The following TNR variants were observed in gnomAD, a reference collection of about 807,000 sequenced individuals.
TNR encodes tenascin R, also known as tenascin-R.
Under a neutral mutation model 150.4 loss-of-function variants are expected in TNR, and 45 were observed. The observed-to-expected ratio is 0.30, with a 90% CI of 0.24 to 0.38. The LOEUF is 0.38. Ranked by LOEUF, TNR falls within the 10% of genes least tolerant of loss-of-function variation. TNR has a pLI of 1.00. For synonymous variants in TNR, 687 were observed against 678.4 expected (o/e 1.01, Z -0.20); for missense variants, 1,544 against 1,759.1 (o/e 0.88, Z 2.19).
chr1:175,688,029 C>A (rs532300784), intron 1 of TNR, among the ~76,000 whole-genome samples: 1 of 152,370 alleles, frequency 6.6e-6, no homozygotes, highest in South Asian at 2.1e-4. Flanking sequence ...TGGGTCAGAG[C>A]GCTGTACTCC....
chr1:175,409,296 C>T (rs1007328267), intron 2 of TNR, among the ~76,000 whole-genome samples: 1 of 152,122 alleles, frequency 6.6e-6, no homozygotes, highest in Non-Finnish European at 1.5e-5. Context: ...ACATAACACC[C>T]CGTAGCACAT....
intron 1 of TNR, among the ~76,000 whole-genome samples, chr1:175,594,406 A>C (rs1662925437): frequency 6.6e-6 from 1 of 152,130 alleles, no homozygotes; most frequent in African/African-American, 2.4e-5. Flanking sequence ...CCTATTATTC[A>C]ATCTTTCCCT....
rs1272091039 is a variant in TNR at position 175,318,045 on chromosome 1, T to C, written c.*5312A>G. On this transcript the variant is annotated 3_prime_UTR_variant, in exon 23 of 23. Coordinates refer to ENST00000367674, the MANE Select transcript of TNR (RefSeq NM_003285.3). ...TGCTGGAGATGACAAATCAGGCTTG[T>C]GACTACTGGTGACGCAAAAGTCAGA... The C allele has an allele frequency of 6.6e-6, 1 of 152,230 alleles. No individual in the cohort carries two copies. The highest frequency in any genetic ancestry group is 2.4e-5 in the African/African-American group (1 of 41,452). The allele number at this position is 152,230 out of a possible 1,614,324, so 9.4% of individuals were successfully genotyped here.
intron 1 of TNR, among the ~76,000 whole-genome samples, chr1:175,636,433 C>T (rs1664493287): frequency 6.6e-6 from 1 of 152,016 alleles, no homozygotes; most frequent in African/African-American, 2.4e-5. Context: ...CCTTGAGAGC[C>T]TCTGAGTCAT....
intron 1 of TNR, among the ~76,000 whole-genome samples, chr1:175,608,145 G>A (rs1423798943): frequency 2.0e-5 from 3 of 152,164 alleles, no homozygotes; most frequent in African/African-American, 7.2e-5. Context: ...TCTTCTGAAG[G>A]CTTATTACTC....
At chr1:175,507,281 T>C (rs1431990584) in intron 2 of TNR, among the ~76,000 whole-genome samples, 1 of 152,216 alleles carries the variant, frequency 6.6e-6, no homozygotes, top group Non-Finnish European at 1.5e-5. Context: ...ATGGGTTGCC[T>C]GGGAATCCTG....
At chr1:175,394,839 G>A (rs1330480582) in intron 5 of TNR, among the ~76,000 whole-genome samples, 1 of 152,188 alleles carries the variant, frequency 6.6e-6, no homozygotes, top group East Asian at 1.9e-4. Flanking sequence ...GAGCTTGCCT[G>A]AGGGAATGCC....
At chr1:175,501,118 T>G (rs1420927712) in intron 2 of TNR, among the ~76,000 whole-genome samples, 1 of 152,206 alleles carries the variant, frequency 6.6e-6, no homozygotes, top group African/African-American at 2.4e-5. Flanking sequence ...CTTTAAGTTC[T>G]CTAATTAGCT....
At chr1:175,385,887 G>T in intron 8 of TNR, 145 bp downstream of exon 8, 1 of 907,092 alleles carries the variant, frequency 1.1e-6, no homozygotes, top group Non-Finnish European at 1.6e-6. Context: ...GAAACCTCTT[G>T]CTTCCTTCTC....
At chr1:175,397,874 T>G (rs1557907507) in intron 4 of TNR, among the ~76,000 whole-genome samples, 2 of 152,248 alleles carry the variant, frequency 1.3e-5, no homozygotes, top group African/African-American at 4.8e-5. Flanking sequence ...ATCAAGCCTT[T>G]AAGACTAACT....
intron 2 of TNR, among the ~76,000 whole-genome samples, chr1:175,455,094 C>A (rs1385595875): frequency 6.6e-6 from 1 of 152,206 alleles, no homozygotes; most frequent in Non-Finnish European, 1.5e-5. Flanking sequence ...CACACTCATG[C>A]TGATAATCCC....
chr1:175,465,857 G>A (rs1657012524), intron 2 of TNR, among the ~76,000 whole-genome samples: 1 of 152,170 alleles, frequency 6.6e-6, no homozygotes, highest in Non-Finnish European at 1.5e-5. Flanking sequence ...AGACCTGCTG[G>A]TTAATGTAAC....
intron 1 of TNR, among the ~76,000 whole-genome samples, chr1:175,566,871 G>A (rs1411767105): frequency 1.3e-5 from 2 of 152,276 alleles, no homozygotes; most frequent in East Asian, 1.9e-4. Context: ...TCCCTAGACT[G>A]TTACTTTTCA....
chr1:175,365,731 T>A, intron 11 of TNR, 144 bp downstream of exon 11: 1 of 1,220,886 alleles, frequency 8.2e-7, no homozygotes. Flanking sequence ...GATGCACTTA[T>A]TAGTTTTTAC....
At chr1:175,464,438 A>T (rs974613023) in intron 2 of TNR, among the ~76,000 whole-genome samples, 9 of 152,232 alleles carry the variant, frequency 5.9e-5, no homozygotes, top group Non-Finnish European at 1.3e-4. Flanking sequence ...GAAGACGAGA[A>T]ATTGGCCAAA....
intron 1 of TNR, among the ~76,000 whole-genome samples, chr1:175,689,614 C>T (rs1254314914): frequency 7.9e-5 from 12 of 152,150 alleles, no homozygotes; most frequent in African/African-American, 2.2e-4. Context: ...GCTTGGGTCC[C>T]GTGGAGGCCC....
chr1:175,462,971 G>A (rs1479143251), intron 2 of TNR, among the ~76,000 whole-genome samples: 1 of 152,214 alleles, frequency 6.6e-6, no homozygotes, highest in African/African-American at 2.4e-5. Context: ...TAGCGAGAGA[G>A]CGTGTTTTAG....
intron 1 of TNR, among the ~76,000 whole-genome samples, chr1:175,640,223 G>C (rs915612687): frequency 6.6e-6 from 1 of 152,196 alleles, no homozygotes; most frequent in Non-Finnish European, 1.5e-5. Flanking sequence ...AAAGTTCTGG[G>C]ACCACAGAAT....
At chr1:175,365,706 C>T (rs1358915624) in intron 11 of TNR, among the ~76,000 whole-genome samples, 169 bp downstream of exon 11, 2 of 152,132 alleles carry the variant, frequency 1.3e-5, no homozygotes, top group African/African-American at 2.4e-5. Context: ...TCTTTACTTC[C>T]AACCCTTCCC....
Sources: allele counts gnomAD v4.1 joint callset (sites outside exome capture counted in the v4.1 genomes callset), GRCh38; gene constraint gnomAD v4.1.1; transcripts MANE v1.5; gene names NCBI Gene and HGNC (gene_info 2026-07-23, HGNC 2026-07-21).